Variants in NCOA2 observed in about 807,000 individuals in gnomAD.
NCOA2 encodes the protein nuclear receptor coactivator 2.
Under a neutral mutation model 145.1 loss-of-function variants are expected in NCOA2, and 21 were observed. The ratio of observed to expected loss-of-function variants is 0.14; its 90% CI spans 0.10 to 0.21. The LOEUF (loss-of-function observed/expected upper bound fraction) is 0.21. Among genes scored for constraint, NCOA2 ranks in the 10% least tolerant of loss-of-function variants. NCOA2 has a pLI of 1.00. For missense variants in NCOA2, 1,472 were observed against 1,837.6 expected (o/e 0.80, Z 3.64); for synonymous variants, 619 against 637.5 (o/e 0.97, Z 0.44).
chr8:70,317,490 C>T (rs890769994), intron 1 of NCOA2, among the ~76,000 whole-genome samples: 1 of 152,106 alleles, frequency 6.6e-6, no homozygotes, highest in Non-Finnish European at 1.5e-5. Context: ...TTGAGAGATC[C>T]AATATTCAAC....
At position 70,109,792 on chromosome 8, in the gene NCOA2, A is replaced by G; in HGVS notation, c.*3840T>C. ...ATCTCTAAAGCCATGTAAAACCCGA[A>G]GGCATTAAAATTTATTAAATGATGC... On this transcript the variant is annotated 3_prime_UTR_variant, in exon 23 of 23. Coordinates refer to ENST00000452400, the MANE Select transcript of NCOA2 (RefSeq NM_006540.4). 5.7e-6 allele frequency: 1 copy of G among 176,694 alleles called. No individual in the cohort carries two copies. Among genetic ancestry groups the G allele is most frequent in the Non-Finnish European group, 1.2e-5 (1 of 81,914 alleles). 10.9% of individuals were successfully genotyped at this position (176,694 alleles called of 1,614,324 possible). A position where few individuals can be genotyped will look rare whatever the true frequency, so the allele number is the denominator to read the frequency against.
chr8:70,294,167 C>A (rs1826909952), intron 2 of NCOA2, among the ~76,000 whole-genome samples: 1 of 152,088 alleles, frequency 6.6e-6, no homozygotes, highest in Non-Finnish European at 1.5e-5. Flanking sequence ...TCCTGATATA[C>A]TGCAAGGCTA....
At chr8:70,257,758 T>A (rs985919275) in intron 2 of NCOA2, among the ~76,000 whole-genome samples, 1 of 151,788 alleles carries the variant, frequency 6.6e-6, no homozygotes, top group African/African-American at 2.4e-5. Context: ...ACCAGAAAAC[T>A]TTTTCCCTGT....
chr8:70,320,108 TTAAA>T (rs1353401776), intron 1 of NCOA2, among the ~76,000 whole-genome samples: 1 of 152,196 alleles, frequency 6.6e-6, no homozygotes, highest in Non-Finnish European at 1.5e-5. Context: ...ACGTGAAATC[TTAAA>T]TAGATATTCA....
At chr8:70,335,545 A>G (rs1355680510) in intron 1 of NCOA2, among the ~76,000 whole-genome samples, 2 of 152,140 alleles carry the variant, frequency 1.3e-5, no homozygotes, top group African/African-American at 4.8e-5. Context: ...CTCCAGGACT[A>G]TTTTCACCTT....
chr8:70,128,409 C>T, intron 18 of NCOA2, 24 bp downstream of exon 18: 1 of 1,598,696 alleles, frequency 6.3e-7, no homozygotes, highest in Non-Finnish European at 8.6e-7. Context: ...ACAATGAAAG[C>T]TAATGGCTGG....
intron 1 of NCOA2, among the ~76,000 whole-genome samples, chr8:70,320,109 TAAATAGA>T (rs1805925943): frequency 2.0e-5 from 3 of 152,316 alleles, no homozygotes; most frequent in Admixed American, 6.5e-5. Context: ...CGTGAAATCT[TAAATAGA>T]TATTCATGAA....
chr8:70,254,179 G>A (rs557413701), intron 2 of NCOA2, among the ~76,000 whole-genome samples: 2 of 152,216 alleles, frequency 1.3e-5, no homozygotes, highest in East Asian at 3.9e-4. Flanking sequence ...ATGCAAATAA[G>A]AAGCACAATA....
chr8:70,133,282 A>G (rs1020197541), intron 15 of NCOA2, among the ~76,000 whole-genome samples: 1 of 150,278 alleles, frequency 6.7e-6, no homozygotes, highest in African/African-American at 2.5e-5. Context: ...CACAGGCACA[A>G]TCATTGCACA....
At chr8:70,375,795 C>A (rs1005714676) in intron 1 of NCOA2, among the ~76,000 whole-genome samples, 1 of 152,052 alleles carries the variant, frequency 6.6e-6, no homozygotes, top group Admixed American at 6.6e-5. Flanking sequence ...GAACAAGAAA[C>A]CTTTTAATAG....
chr8:70,330,266 G>A (rs1806976526), intron 1 of NCOA2, among the ~76,000 whole-genome samples: 2 of 151,766 alleles, frequency 1.3e-5, no homozygotes, highest in Non-Finnish European at 1.5e-5. Flanking sequence ...TTCAAATAAG[G>A]AACACAGTGG....
intron 1 of NCOA2, among the ~76,000 whole-genome samples, chr8:70,368,517 A>G (rs879812002): frequency 8.5e-5 from 13 of 152,246 alleles, no homozygotes; most frequent in Non-Finnish European, 1.5e-4. Context: ...TAGTTTTTCA[A>G]GTCAAAATCT....
chr8:70,386,986 C>T (rs1019979107), intron 1 of NCOA2, among the ~76,000 whole-genome samples: 2 of 152,132 alleles, frequency 1.3e-5, no homozygotes. Flanking sequence ...TCATGGCTTA[C>T]TGCAAGCTCA....
chr8:70,156,974 G>A lies in NCOA2; in HGVS notation c.1391C>T (p.Ala464Val), dbSNP rs1466367174. The A allele has an allele frequency of 6.2e-7, 1 of 1,613,918 alleles. No individual in the cohort carries two copies. Among genetic ancestry groups the A allele is most frequent in the African/African-American group, 1.3e-5 (1 of 74,926 alleles). The change falls in exon 11 of 23, where the codon GCA (alanine) becomes GTA (valine). Residue 464 changes from alanine to valine, a missense_variant. By Grantham distance (64) the Ala-to-Val change is moderately conservative. Coordinates refer to ENST00000452400, the MANE Select transcript of NCOA2 (RefSeq NM_006540.4). ...TTGTGAGGGGCTGTTCATTTTGAGT[G>A]CATAGTTACTACCCTGAGGAGTGGT... ...QATTPQGSNY[A>V]LKMNSPSQSS...
rs189876864 is a variant in NCOA2, at chr8:70,125,545, T to C, written c.3917-680A>G. Among the ~76,000 whole-genome samples, 3 of 152,326 alleles carry C rather than the reference T, an allele frequency of 2.0e-5. No individual in the cohort carries two copies. In the East Asian group the frequency reaches 5.8e-4, roughly 29 times the overall value. ...TGCTGGGATTACAGGCATGAGCCAT[T>C]GCACCTGGCCAGATTGTTTAAATTA... On this transcript the variant is annotated intron_variant, in intron 19 of 22. Transcript: ENST00000452400.
the NCOA2 span, among the ~76,000 whole-genome samples, chr8:70,442,315 T>C: frequency 6.6e-6 from 1 of 152,176 alleles, no homozygotes; most frequent in Non-Finnish European, 1.5e-5. Flanking sequence ...AGTAAACTTT[T>C]AGGGCTGAAG....
chr8:70,371,876 T>C (rs1811253205), intron 1 of NCOA2, among the ~76,000 whole-genome samples: 1 of 152,210 alleles, frequency 6.6e-6, no homozygotes, highest in South Asian at 2.1e-4. Context: ...TGTAAGTTTT[T>C]AAAAGTGCAT....
intron 1 of NCOA2, among the ~76,000 whole-genome samples, chr8:70,386,062 T>TTC (rs1440720649): frequency 6.6e-6 from 1 of 152,168 alleles, no homozygotes; most frequent in Non-Finnish European, 1.5e-5. Context: ...ATCTCCACAC[T>TTC]TCTCAGGTTA....
intron 4 of NCOA2, among the ~76,000 whole-genome samples, chr8:70,176,588 T>C (rs1814879375): frequency 6.6e-6 from 1 of 152,156 alleles, no homozygotes; most frequent in African/African-American, 2.4e-5. Context: ...CCCCTTTTAC[T>C]GGAATCTTTT....
Sources: gnomAD v4.1 joint callset for allele counts (sites outside exome capture counted in the v4.1 genomes callset) on GRCh38, gnomAD v4.1.1 for gene constraint, MANE v1.5 for transcripts, NCBI Gene and HGNC (gene_info 2026-07-23, HGNC 2026-07-21) for gene names.